The following PKP3 variants were observed in gnomAD, a reference collection of about 807,000 sequenced individuals.
PKP3 encodes the protein plakophilin 3, also known as plakophilin-3.
In PKP3, 66 loss-of-function variants were observed where a neutral mutation model predicts 76.5. That is an observed-to-expected ratio of 0.86 (90% CI 0.71 to 1.06). PKP3 has a LOEUF of 1.06. PKP3 is among the 50% of genes least tolerant of loss of function. The pLI is 0.00. For missense variants in PKP3, 1,338 were observed against 1,141.0 expected (o/e 1.17, Z -2.49); for synonymous variants, 638 against 516.5 (o/e 1.24, Z -3.19).
intron 4 of PKP3, 132 bp downstream of exon 4, chr11:397,794 G>C: frequency 1.2e-6 from 1 of 855,906 alleles, no homozygotes; most frequent in Non-Finnish European, 1.8e-6. Context: ...CACTCTGTCT[G>C]GAGCCCCCTC....
rs1387536464 is a variant in PKP3 at position 394,444 on chromosome 11, G to A, written c.152G>A (p.Arg51His). Reference sequence around the variant, plus strand: ...GCAGCCCGCGTCCAGGAGCAGGTCCGCGCCCGCCTCTTGCAGCTGGGACAG... The same window carrying A: ...GCAGCCCGCGTCCAGGAGCAGGTCCACGCCCGCCTCTTGCAGCTGGGACAG... ...LRAARVQEQV[R>H]ARLLQLGQQP... The change falls in exon 1 of 13, where the codon CGC becomes CAC. Residue 51 changes from arginine (R) to histidine (H), a missense_variant. Physicochemically the swap from Arg to His is conservative, Grantham distance 29. Coordinates refer to ENST00000331563, the MANE Select transcript of PKP3 (RefSeq NM_007183.4). 1.4e-5 allele frequency: 20 copies of A among 1,453,472 alleles called. No individual in the cohort carries two copies. Among genetic ancestry groups the A allele is most frequent in the Non-Finnish European group, 1.7e-5 (19 of 1,110,548 alleles). 90.0% of individuals were successfully genotyped at this position (1,453,472 alleles called of 1,614,324 possible).
In PKP3 at chr11:400,316, A is replaced by G; in HGVS notation, c.1449-18A>G. On this transcript the variant is annotated intron_variant, in intron 6 of 12. Transcript: ENST00000331563. ...GATGCGGGGTCCCTGGGGGGCTCTG[A>G]TCCACCTCGGTCCCCAGGAACCTCA... 1 of 1,536,482 alleles carries G rather than the reference A, an allele frequency of 6.5e-7. No homozygotes were observed. The highest frequency in any genetic ancestry group is 8.8e-7 in the Non-Finnish European group (1 of 1,136,252).
chr11:392,992 G>GCCAGGGT (rs1221840346), upstream of PKP3, among the ~76,000 whole-genome samples: 3 of 152,076 alleles, frequency 2.0e-5, no homozygotes, highest in Middle Eastern at 3.4e-3. Flanking sequence ...AGAGCCCAGA[G>GCCAGGGT]CCAGGGTCCA....
In PKP3 at chr11:394,656, C is replaced by T. The variant is rs999826109; in HGVS notation, c.232+132C>T. 1.5e-5 allele frequency: 10 copies of T among 684,278 alleles called. No individual in the cohort carries two copies. In the Middle Eastern group the frequency reaches 1.3e-3, roughly 91 times the overall value. The allele number at this position is 684,278 out of a possible 1,614,324, so 42.4% of individuals were successfully genotyped here. A position where few individuals can be genotyped will look rare whatever the true frequency, so the allele number is the denominator to read the frequency against. On this transcript the variant is annotated intron_variant, in intron 1 of 12. Transcript: ENST00000331563. ...ACCAGGCCTCACACTGAGTCACACA[C>T]CCCGCCCCAGGGGCGTGGGGAGAAG... is the stretch of plus-strand genomic sequence containing the variant.
chr11:394,042 G>C (rs1311629682), upstream of PKP3: 1 of 477,572 alleles, frequency 2.1e-6, no homozygotes, highest in African/African-American at 2.1e-5. Flanking sequence ...GGCCAGGCTG[G>C]GACCTGGGGC....
rs1292848062 is a variant in PKP3, at chr11:395,376, G to A, written c.232+852G>A. 2.0e-5 allele frequency among the ~76,000 whole-genome samples: 3 copies of A among 152,300 alleles called. No homozygotes were observed. The East Asian group carries it at 5.8e-4, about 29-fold the overall frequency. On this transcript the variant is annotated intron_variant, in intron 1 of 12. Coordinates refer to ENST00000331563, the MANE Select transcript of PKP3 (RefSeq NM_007183.4). ...GACTGGCCTCCAGCCACTGGCCAGG[G>A]GGAAGTGAAGGTCGCCCAGCGGAGG...
At chr11:394,636 G>A in intron 1 of PKP3, 112 bp downstream of exon 1, 1 of 906,338 alleles carries the variant, frequency 1.1e-6, no homozygotes, top group Non-Finnish European at 1.5e-6. Flanking sequence ...GACTCACCAG[G>A]CCTCACACTG....
intron 4 of PKP3, 39 bp downstream of exon 4, chr11:397,701 C>T (rs778790262): frequency 1.9e-6 from 3 of 1,596,818 alleles, no homozygotes; most frequent in African/African-American, 1.3e-5. Context: ...CCCCTGGTGA[C>T]CTCCTTCGTG....
chr11:394,101 GC>G, upstream of PKP3: 1 of 810,374 alleles, frequency 1.2e-6, no homozygotes, highest in Non-Finnish European at 1.7e-6. Context: ...GCAGGCGGCG[GC>G]CCCTCCCTCC....
chr11:400,663 G>C lies in PKP3; in HGVS notation c.1695G>C (p.Glu565Asp), dbSNP rs1319199735. The change falls in exon 8 of 13, where the codon GAG becomes GAC. Residue 565 changes from glutamate (E) to aspartate (D), a missense_variant. Coordinates refer to ENST00000331563, the MANE Select transcript of PKP3 (RefSeq NM_007183.4). ...ACCTGGCGGGGGCGCCGCCGGGAGA[G>C]GTCGTGGGCTGCTTCACGCCGCAGA... is the stretch of plus-strand genomic sequence containing the variant. ...RRDLAGAPPGEVVGCFTPQSR... is the reference protein window; with the variant it reads ...RRDLAGAPPGDVVGCFTPQSR... 20 of 1,332,974 alleles carry C rather than the reference G, an allele frequency of 1.5e-5. No homozygotes were observed. The highest frequency in any genetic ancestry group is 1.9e-5 in the Non-Finnish European group (20 of 1,044,748). 82.6% of individuals were successfully genotyped at this position (1,332,974 alleles called of 1,614,324 possible).
chr11:397,985 C>T (rs1216966276), intron 4 of PKP3, among the ~76,000 whole-genome samples: 8 of 126,078 alleles, frequency 6.3e-5, no homozygotes, highest in Non-Finnish European at 1.2e-4. Context: ...TCCGTACCCC[C>T]GCACACACCT....
rs1458238496 is a variant in PKP3 at position 399,708 on chromosome 11, GTCCT to G, written c.1274-258_1274-255del. ...TCTTTCCTGGACCCCCGGCCACCCTGTCCTGTGGTTTTGTCTCCTTGGAGCCGCC... is the reference window on the plus strand; with the variant it reads ...TCTTTCCTGGACCCCCGGCCACCCTGGTGGTTTTGTCTCCTTGGAGCCGCC... On this transcript the variant is annotated intron_variant, in intron 5 of 12. Transcript: ENST00000331563. Among the ~76,000 whole-genome samples, 3 of 149,930 alleles carry G rather than the reference GTCCT, an allele frequency of 2.0e-5. No individual in the cohort carries two copies. In the East Asian group the frequency reaches 6.0e-4, roughly 30 times the overall value.
At position 396,656 on chromosome 11, in the gene PKP3, G is replaced by A. The variant is rs141174055; in HGVS notation, c.281G>A (p.Arg94His). Residue 94 changes from arginine to histidine, a missense_variant, in exon 2 of 13, where the codon CGC becomes CAC. Physicochemically the swap from Arg to His is conservative, Grantham distance 29. Transcript: ENST00000331563. ...YHTLQAGFSS[R>H]SQGLSGDKTS... ...ACCCTGCAGGCTGGCTTCAGCTCTC[G>A]CTCTCAGGGCCTGAGTGGGGACAAG... is the stretch of plus-strand genomic sequence containing the variant. The A allele has an allele frequency of 1.0e-4, 165 of 1,611,118 alleles. 1 individual carries two copies. Among genetic ancestry groups the A allele is most frequent in the Admixed American group, 6.3e-4 (38 of 59,858 alleles).
Position 400,647 on chromosome 11 carries a change from G to C in PKP3, c.1679G>C (p.Gly560Ala). 1.5e-6 allele frequency: 2 copies of C among 1,367,328 alleles called. No homozygotes were observed. Among genetic ancestry groups the C allele is most frequent in the Non-Finnish European group, 1.9e-6 (2 of 1,067,094 alleles). 84.7% of individuals were successfully genotyped at this position (1,367,328 alleles called of 1,614,324 possible). A position where few individuals can be genotyped will look rare whatever the true frequency, so the allele number is the denominator to read the frequency against. Residue 560 changes from glycine to alanine, a missense_variant, in exon 8 of 13, where the codon GGG (glycine) becomes GCG (alanine). Gly to Ala is a moderately conservative substitution (Grantham distance 60). Coordinates refer to ENST00000331563, the MANE Select transcript of PKP3 (RefSeq NM_007183.4). ...GGTCGCGGCCGCAGGGACCTGGCGG[G>C]GGCGCCGCCGGGAGAGGTCGTGGGC... ...LEGRGRRDLA[G>A]APPGEVVGCF...
Position 394,449 on chromosome 11 carries a change from C to T in PKP3, c.157C>T (p.Arg53Cys), listed in dbSNP as rs549481699. 38 of 1,452,220 alleles carry T rather than the reference C, an allele frequency of 2.6e-5. No individual in the cohort carries two copies. The highest frequency in any genetic ancestry group is 2.4e-4 in the Middle Eastern group (1 of 4,126). The allele number at this position is 1,452,220 out of a possible 1,614,324, so 90.0% of individuals were successfully genotyped here. A position where few individuals can be genotyped will look rare whatever the true frequency, so the allele number is the denominator to read the frequency against. The change falls in exon 1 of 13, where the codon CGC becomes TGC. Residue 53 changes from arginine to cysteine, a missense_variant. Coordinates refer to ENST00000331563, the MANE Select transcript of PKP3 (RefSeq NM_007183.4). ...AARVQEQVRA[R>C]LLQLGQQPRH... ...CCGCGTCCAGGAGCAGGTCCGCGCCCGCCTCTTGCAGCTGGGACAGCAGCC... is the reference window on the plus strand; with the variant it reads ...CCGCGTCCAGGAGCAGGTCCGCGCCTGCCTCTTGCAGCTGGGACAGCAGCC...
chr11:397,569 C>T lies in PKP3; in HGVS notation c.975C>T (p.Val325=), dbSNP rs199586357. 6.2e-7 allele frequency: 1 copy of T among 1,612,156 alleles called. No homozygotes were observed. Among genetic ancestry groups the T allele is most frequent in the African/African-American group, 1.3e-5 (1 of 74,956 alleles). The stretch of plus-strand genomic sequence containing the variant: ...ATGACATTGACCTGCCCTCAGCAGT[C>T]AAGTACCTCATGGCTTCAGACCCCA... The part of the protein sequence containing the change: ...GFDDIDLPSA[V]KYLMASDPNL... Residue 325 remains valine (V), a synonymous_variant, in exon 4 of 13, where the codon GTC becomes GTT. Coordinates refer to ENST00000331563, the MANE Select transcript of PKP3 (RefSeq NM_007183.4).
In PKP3 at chr11:397,395, T is replaced by TGG; in HGVS notation, c.896_897dup (p.Phe300GlyfsTer69). ...ACTCGGGCCACCTGCCGGACGTGCA[T>TGG]GGGTTCAACAGCTACGGTAGCCACC... On this transcript the variant is annotated frameshift_variant, in exon 3 of 13. Transcript: ENST00000331563. LOFTEE classifies it high-confidence loss of function. 1.9e-6 allele frequency: 3 copies of TGG among 1,611,678 alleles called. No homozygotes were observed. The highest frequency in any genetic ancestry group is 2.5e-6 in the Non-Finnish European group (3 of 1,179,518).
intron 4 of PKP3, among the ~76,000 whole-genome samples, chr11:398,526 G>C (rs370031921): frequency 1.2e-4 from 2 of 16,222 alleles, no homozygotes. Context: ...CATCACCTCC[G>C]TACCCCCGCA....
rs1437756603 is a variant in PKP3, at chr11:403,122, G to C, written c.1782G>C (p.Lys594Asn). The C allele has an allele frequency of 6.4e-7, 1 of 1,564,600 alleles. No homozygotes were observed. The highest frequency in any genetic ancestry group is 1.9e-5 in the Admixed American group (1 of 52,696). Reference protein sequence around the residue: ...ADALTFAEVSKDPKGLEWLWS... With the variant: ...ADALTFAEVSNDPKGLEWLWS... ...CGCTCACCTTCGCGGAGGTGTCCAA[G>C]GACCCCAAGGGCCTCGAGTGGCTGT... The change falls in exon 9 of 13, where the codon AAG becomes AAC. Residue 594 changes from lysine (K) to asparagine (N), a missense_variant. Lys to Asn is a moderately conservative substitution (Grantham distance 94). Coordinates refer to ENST00000331563, the MANE Select transcript of PKP3 (RefSeq NM_007183.4).
Sources: allele counts gnomAD v4.1 joint callset (sites outside exome capture counted in the v4.1 genomes callset), GRCh38; gene constraint gnomAD v4.1.1; transcripts MANE v1.5; gene names NCBI Gene and HGNC (gene_info 2026-07-23, HGNC 2026-07-21).